The following TBC1D5 variants were observed in gnomAD, a reference collection of about 807,000 sequenced individuals.
TBC1D5 encodes the protein TBC1 domain family, member 5.
In TBC1D5, 75 loss-of-function variants were observed where a neutral mutation model predicts 100.3. That is an observed-to-expected ratio of 0.75 (90% CI 0.62 to 0.91). The LOEUF (loss-of-function observed/expected upper bound fraction) is 0.91, where lower values mean the gene tolerates loss of function less well. TBC1D5 is among the 40% of genes least tolerant of loss of function. The pLI is 0.00. For synonymous variants in TBC1D5, 323 were observed against 325.6 expected (o/e 0.99, Z 0.09); for missense variants, 910 against 942.4 (o/e 0.97, Z 0.45).
intron 13 of TBC1D5, among the ~76,000 whole-genome samples, chr3:17,343,452 G>A (rs1266610915): frequency 1.3e-5 from 2 of 149,624 alleles, no homozygotes; most frequent in Non-Finnish European, 3.0e-5. Flanking sequence ...TCTCTGCCCG[G>A]CTTTGGTATC....
At chr3:17,403,065 A>G in intron 8 of TBC1D5, 116 bp downstream of exon 8, 1 of 754,744 alleles carries the variant, frequency 1.3e-6, no homozygotes, top group Non-Finnish European at 2.0e-6. Context: ...TGTTATTAAC[A>G]CAAGTAGAAT....
intron 1 of TBC1D5, among the ~76,000 whole-genome samples, chr3:17,707,438 T>G (rs2074288623): frequency 6.6e-6 from 1 of 152,152 alleles, no homozygotes. Flanking sequence ...TAGAATCACT[T>G]AGATCCCTAA....
intron 1 of TBC1D5, among the ~76,000 whole-genome samples, chr3:17,713,247 T>TTC (rs1363035334): frequency 1.3e-5 from 2 of 149,908 alleles, no homozygotes; most frequent in Non-Finnish European, 3.0e-5. Context: ...TTCTTTTCTT[T>TTC]TTTTTTTTTT....
chr3:17,207,808 A>T (rs2125906976), intron 18 of TBC1D5, among the ~76,000 whole-genome samples: 1 of 152,370 alleles, frequency 6.6e-6, no homozygotes, highest in African/African-American at 2.4e-5. Context: ...TACTGTACTT[A>T]GACTGATAGC....
chr3:17,343,785 G>T (rs13079119), intron 13 of TBC1D5, among the ~76,000 whole-genome samples: 7 of 152,022 alleles, frequency 4.6e-5, no homozygotes, highest in Admixed American at 1.3e-4. Flanking sequence ...CTGATGGTAG[G>T]TTGTATTTCT....
chr3:17,460,044 T>C (rs1369569731), intron 3 of TBC1D5, among the ~76,000 whole-genome samples: 1 of 152,254 alleles, frequency 6.6e-6, no homozygotes, highest in East Asian at 1.9e-4. Context: ...AGTTAGTCTT[T>C]GTATTCTAAA....
chr3:17,487,437 C>CAAGA (rs2095584009), intron 3 of TBC1D5, among the ~76,000 whole-genome samples: 1 of 152,106 alleles, frequency 6.6e-6, no homozygotes, highest in African/African-American at 2.4e-5. Flanking sequence ...ACTTTGCTCA[C>CAAGA]TAATTAACAA....
chr3:17,166,785 C>G, exon 21 of TBC1D5: 1 of 1,611,782 alleles, frequency 6.2e-7, no homozygotes, highest in Non-Finnish European at 8.5e-7. Context: ...TGGCCCCTGA[C>G]ATTTGAACGC....
At chr3:17,538,520 C>T (rs1314503410) in intron 2 of TBC1D5, among the ~76,000 whole-genome samples, 3 of 152,180 alleles carry the variant, frequency 2.0e-5, no homozygotes, top group African/African-American at 7.2e-5. Flanking sequence ...AAGTGTACTG[C>T]TTCCTTTCAC....
intron 13 of TBC1D5, among the ~76,000 whole-genome samples, chr3:17,354,518 G>C (rs899304876): frequency 1.3e-5 from 2 of 152,090 alleles, no homozygotes; most frequent in African/African-American, 4.8e-5. Flanking sequence ...AGCAGCTGCT[G>C]TTAAATACCA....
chr3:17,389,498 C>T (rs930428574), intron 8 of TBC1D5, among the ~76,000 whole-genome samples: 3 of 152,040 alleles, frequency 2.0e-5, no homozygotes, highest in East Asian at 1.9e-4. Flanking sequence ...AGAACCAGAC[C>T]ACCATGCTGT....
At chr3:17,560,273 T>C (rs2096549990) in intron 2 of TBC1D5, among the ~76,000 whole-genome samples, 1 of 152,028 alleles carries the variant, frequency 6.6e-6, no homozygotes, top group Non-Finnish European at 1.5e-5. Context: ...GAATAACATA[T>C]AAAGAAAAGA....
intron 13 of TBC1D5, among the ~76,000 whole-genome samples, chr3:17,369,095 A>G (rs2092328101): frequency 6.6e-6 from 1 of 152,216 alleles, no homozygotes. Flanking sequence ...AGAACATAAA[A>G]TTATTCTGCC....
At chr3:17,614,829 A>G (rs1024266557) in intron 2 of TBC1D5, among the ~76,000 whole-genome samples, 7 of 152,200 alleles carry the variant, frequency 4.6e-5, no homozygotes, top group Non-Finnish European at 8.8e-5. Context: ...TCATCTGCAA[A>G]CTGGGACAAT....
intron 1 of TBC1D5, among the ~76,000 whole-genome samples, chr3:17,684,130 G>A (rs2069911551): frequency 6.6e-6 from 1 of 151,300 alleles, no homozygotes; most frequent in South Asian, 2.1e-4. Context: ...CATTACTGAA[G>A]CACATTTAAA....
chr3:17,407,553 T>C (rs2093805028), intron 4 of TBC1D5, among the ~76,000 whole-genome samples: 1 of 152,150 alleles, frequency 6.6e-6, no homozygotes, highest in South Asian at 2.1e-4. Flanking sequence ...ACATGTGCAG[T>C]TGTCACTGGC....
intron 18 of TBC1D5, among the ~76,000 whole-genome samples, chr3:17,188,806 GTTAT>G (rs1398696893): frequency 6.6e-6 from 1 of 152,166 alleles, no homozygotes; most frequent in Non-Finnish European, 1.5e-5. Flanking sequence ...GATAGCTTTA[GTTAT>G]TTGTTTTCAT....
At position 17,227,758 on chromosome 3, in the gene TBC1D5, C is replaced by T. The variant is rs141560834; in HGVS notation, c.1588+10405G>A. On this transcript the variant is annotated intron_variant, in intron 17 of 21. Coordinates refer to ENST00000253692, the Ensembl canonical transcript of TBC1D5. ...AAACTATTAGGTACTAGGCTTAGTACCTGGGTGATGAAATAATCTGTTTAG... is the reference window on the plus strand; with the variant it reads ...AAACTATTAGGTACTAGGCTTAGTATCTGGGTGATGAAATAATCTGTTTAG... Among the ~76,000 whole-genome samples, 418 of 151,802 alleles carry T rather than the reference C, an allele frequency of 2.8e-3. 1 individual carries two copies. Among genetic ancestry groups the T allele is most frequent in the African/African-American group, 9.2e-3 (380 of 41,390 alleles).
chr3:17,706,172 C>G (rs1577667490), intron 1 of TBC1D5: 1 of 1,567,188 alleles, frequency 6.4e-7, no homozygotes, highest in South Asian at 1.2e-5. Context: ...CATCGGCAGG[C>G]AGCCGCTCGA....
Sources: allele counts gnomAD v4.1 joint callset (sites outside exome capture counted in the v4.1 genomes callset), GRCh38; gene constraint gnomAD v4.1.1; transcripts MANE v1.5; gene names NCBI Gene and HGNC (gene_info 2026-07-23, HGNC 2026-07-21).